The following NAA11 variants were observed in gnomAD, a reference collection of about 807,000 sequenced individuals.
The protein encoded by NAA11 is N-alpha-acetyltransferase 11.
Under a neutral mutation model 16.1 loss-of-function variants are expected in NAA11, and 15 were observed. The ratio of observed to expected loss-of-function variants is 0.93; its 90% CI spans 0.62 to 1.44. NAA11 has a LOEUF of 1.44. Ranked by LOEUF, NAA11 falls within the 40% of genes most tolerant of loss-of-function variation. NAA11 has a pLI of 0.00. For missense variants in NAA11, 298 were observed against 291.3 expected (o/e 1.02, Z -0.17); for synonymous variants, 122 against 112.4 (o/e 1.09, Z -0.54).
chr4:79,163,946 CAGAG>C, the NAA11 span, among the ~76,000 whole-genome samples: 1 of 152,118 alleles, frequency 6.6e-6, no homozygotes, highest in Non-Finnish European at 1.5e-5. Context: ...ATTTTTCTGA[CAGAG>C]AGGCTATGGT....
At chr4:79,192,105 T>A in the NAA11 span, among the ~76,000 whole-genome samples, 1 of 152,214 alleles carries the variant, frequency 6.6e-6, no homozygotes, top group African/African-American at 2.4e-5. Context: ...TAGTTTGGAG[T>A]TGAGTAATGT....
At chr4:79,156,173 A>G in the NAA11 span, among the ~76,000 whole-genome samples, 4 of 152,176 alleles carry the variant, frequency 2.6e-5, no homozygotes, top group African/African-American at 9.7e-5. Flanking sequence ...TAAAACCCAC[A>G]TCTGTATATT....
chr4:79,193,809 C>T, the NAA11 span, among the ~76,000 whole-genome samples: 1 of 152,136 alleles, frequency 6.6e-6, no homozygotes, highest in African/African-American at 2.4e-5. Flanking sequence ...CTATAAATTA[C>T]CTTGCGCAGT....
chr4:79,304,487 T>C (rs917053280), intron 1 of NAA11, among the ~76,000 whole-genome samples: 2 of 152,196 alleles, frequency 1.3e-5, no homozygotes, highest in African/African-American at 4.8e-5. Flanking sequence ...TATAAAGACA[T>C]TTTTTATTTT....
At chr4:79,295,866 TATAAA>T (rs1723206770) in intron 1 of NAA11, among the ~76,000 whole-genome samples, 1 of 152,200 alleles carries the variant, frequency 6.6e-6, no homozygotes, top group Admixed American at 6.5e-5. Context: ...ATTTATTTAA[TATAAA>T]ATATACAATT....
At chr4:79,202,546 A>G in the NAA11 span, among the ~76,000 whole-genome samples, 1 of 110,124 alleles carries the variant, frequency 9.1e-6, no homozygotes, top group South Asian at 3.2e-4. Context: ...ACACACGCAC[A>G]CACACACACC....
At position 79,303,076 on chromosome 4, in the gene NAA11, T is replaced by TTATATATA. The variant is rs59261096; in HGVS notation, c.*13-8970_*13-8963dup. On this transcript the variant is annotated intron_variant and NMD_transcript_variant, in intron 1 of 2. Transcript: ENST00000511542. ...TTCATTCCTGTTCTCTTGAGGCCTT[T>TTATATATA]TATATATATATATATATATATATAT... 7.6e-3 allele frequency among the ~76,000 whole-genome samples: 514 copies of TTATATATA among 67,404 alleles called. 15 individuals are homozygous for TTATATATA. The highest frequency in any genetic ancestry group is 9.9e-3 in the Non-Finnish European group (347 of 35,008). The allele number at this position is 67,404 out of a possible 152,430, so 44.2% of individuals were successfully genotyped here. A position where few individuals can be genotyped will look rare whatever the true frequency, so the allele number is the denominator to read the frequency against.
intron 2 of NAA11, among the ~76,000 whole-genome samples, chr4:79,226,976 T>C (rs894574524): frequency 9.9e-5 from 15 of 152,116 alleles, no homozygotes; most frequent in Non-Finnish European, 1.8e-4. Context: ...ATGGTATTTC[T>C]AGTTCTAGAT....
the NAA11 span, among the ~76,000 whole-genome samples, chr4:79,155,710 A>G: frequency 2.0e-5 from 3 of 152,348 alleles, no homozygotes; most frequent in Admixed American, 2.0e-4. Context: ...GTTACAGAAT[A>G]ACAGAATTAA....
At chr4:79,200,490 A>G in the NAA11 span, among the ~76,000 whole-genome samples, 1 of 151,788 alleles carries the variant, frequency 6.6e-6, no homozygotes, top group African/African-American at 2.4e-5. Flanking sequence ...ATTGTATAAA[A>G]TGGGAACTTG....
chr4:79,187,332 A>G, the NAA11 span, among the ~76,000 whole-genome samples: 1 of 152,194 alleles, frequency 6.6e-6, no homozygotes, highest in Non-Finnish European at 1.5e-5. Context: ...GCTGCATGTC[A>G]TGGCCCACTG....
the NAA11 span, among the ~76,000 whole-genome samples, chr4:79,158,355 T>C: frequency 6.6e-6 from 1 of 151,968 alleles, no homozygotes; most frequent in African/African-American, 2.4e-5. Flanking sequence ...CTCAACCCCT[T>C]TTACAATAGG....
intron 2 of NAA11, among the ~76,000 whole-genome samples, chr4:79,232,631 C>A (rs1170311374): frequency 6.6e-6 from 1 of 151,956 alleles, no homozygotes; most frequent in Non-Finnish European, 1.5e-5. Flanking sequence ...CCAAATGAAT[C>A]ATGTAAACTC....
chr4:79,281,024 C>G (rs1722773780), intron 2 of NAA11, among the ~76,000 whole-genome samples: 1 of 151,914 alleles, frequency 6.6e-6, no homozygotes, highest in African/African-American at 2.4e-5. Context: ...AAAGAAACAA[C>G]TAACACTTAT....
rs907768832 is a variant in NAA11 at position 79,266,849 on chromosome 4, A to C, written c.*122+27156T>G. Among the ~76,000 whole-genome samples the C allele has an allele frequency of 2.6e-5, 4 of 152,266 alleles. No individual in the cohort carries two copies. In the East Asian group the frequency reaches 7.7e-4, roughly 29 times the overall value. ...GAGACCAAGAGGAAGGAAAAGATAC[A>C]TTTATTGAATGTAATTAGGGCTTCA... On this transcript the variant is annotated intron_variant and NMD_transcript_variant, in intron 2 of 2. Transcript: ENST00000511542.
At chr4:79,230,523 C>G (rs1160821419) in intron 2 of NAA11, among the ~76,000 whole-genome samples, 1 of 151,854 alleles carries the variant, frequency 6.6e-6, no homozygotes, top group African/African-American at 2.4e-5. Context: ...AAAGAAACCT[C>G]ACACAAGCAC....
chr4:79,159,833 TTAATA>T, the NAA11 span, among the ~76,000 whole-genome samples: 1 of 152,290 alleles, frequency 6.6e-6, no homozygotes, highest in Non-Finnish European at 1.5e-5. Context: ...CTCTTTTCAC[TTAATA>T]TAATGTTTCA....
intron 2 of NAA11, among the ~76,000 whole-genome samples, chr4:79,237,473 T>C (rs964152951): frequency 1.3e-5 from 2 of 152,194 alleles, no homozygotes; most frequent in African/African-American, 4.8e-5. Flanking sequence ...TAAATTCTAT[T>C]TTTATAAAAA....
intron 2 of NAA11, among the ~76,000 whole-genome samples, chr4:79,285,769 A>G (rs1332220962): frequency 6.6e-6 from 1 of 152,054 alleles, no homozygotes; most frequent in East Asian, 1.9e-4. Flanking sequence ...ATCATGCTAC[A>G]TGATTTCTGT....
Sources: gnomAD v4.1 joint callset for allele counts (sites outside exome capture counted in the v4.1 genomes callset) on GRCh38, gnomAD v4.1.1 for gene constraint, MANE v1.5 for transcripts, NCBI Gene and HGNC (gene_info 2026-07-23, HGNC 2026-07-21) for gene names.